The following SLC35D4 variants were observed in gnomAD, a reference collection of about 807,000 sequenced individuals.
SLC35D4 encodes UDP-N-acetylglucosamine transporter SLC35D4.
At chr18:23,340,641 G>C in the SLC35D4 span, among the ~76,000 whole-genome samples, 59 of 152,276 alleles carry the variant, frequency 3.9e-4, no homozygotes, top group African/African-American at 1.4e-3. Context: ...TTTTCCCAGG[G>C]CCATAGAAAA....
At chr18:23,398,774 A>G in the SLC35D4 span, among the ~76,000 whole-genome samples, 2 of 152,212 alleles carry the variant, frequency 1.3e-5, no homozygotes, top group African/African-American at 4.8e-5. Flanking sequence ...AGGGGCTAAC[A>G]TAACAACAAG....
the SLC35D4 span, among the ~76,000 whole-genome samples, chr18:23,361,103 CAAAAAAAAA>C: frequency 9.6e-5 from 9 of 94,128 alleles, no homozygotes; most frequent in East Asian, 8.4e-4. Context: ...GACTTTGTCT[CAAAAAAAAA>C]AAAAAAAAAA....
the SLC35D4 span, among the ~76,000 whole-genome samples, chr18:23,247,092 G>C: frequency 3.0e-3 from 458 of 152,340 alleles, 5 homozygotes; most frequent in Non-Finnish European, 2.0e-3. Context: ...TGGCTGAGGG[G>C]CTGTGGTAAT....
the SLC35D4 span, among the ~76,000 whole-genome samples, chr18:23,371,923 C>CTTATTTGTTTTTT: frequency 6.7e-3 from 745 of 111,490 alleles, 138 homozygotes; most frequent in Middle Eastern, 0.02. Context: ...TTATTTCTTC[C>CTTATTTGTTTTTT]TTGTTTTTTT....
the SLC35D4 span, among the ~76,000 whole-genome samples, chr18:23,415,670 G>C: frequency 3.3e-5 from 5 of 152,222 alleles, no homozygotes; most frequent in African/African-American, 7.2e-5. Flanking sequence ...TTCAGCATCT[G>C]CTGGAAAAAT....
the SLC35D4 span, among the ~76,000 whole-genome samples, chr18:23,321,850 G>T: frequency 6.6e-3 from 1,000 of 152,282 alleles, 11 homozygotes; most frequent in African/African-American, 0.023. Context: ...CATAGTCTAG[G>T]TTTTTGTATA....
chr18:23,300,014 CATT>C, the SLC35D4 span, among the ~76,000 whole-genome samples: 3 of 152,188 alleles, frequency 2.0e-5, no homozygotes, highest in African/African-American at 7.2e-5. Flanking sequence ...CTGTAATCAT[CATT>C]GTCAGCACTG....
At chr18:23,413,816 C>T in the SLC35D4 span, among the ~76,000 whole-genome samples, 6 of 151,994 alleles carry the variant, frequency 3.9e-5, no homozygotes, top group African/African-American at 1.4e-4. Context: ...TGGTGATGCA[C>T]GCCTGTAGCC....
At chr18:23,316,445 G>A in the SLC35D4 span, among the ~76,000 whole-genome samples, 7 of 151,938 alleles carry the variant, frequency 4.6e-5, no homozygotes, top group Admixed American at 3.9e-4. Context: ...AACTCTATTC[G>A]GCATTAAAAA....
chr18:23,289,813 G>C, the SLC35D4 span, among the ~76,000 whole-genome samples: 43 of 151,852 alleles, frequency 2.8e-4, no homozygotes, highest in Non-Finnish European at 5.4e-4. Flanking sequence ...CCTTCTCCTG[G>C]CTCATCCTGG....
At chr18:23,360,156 C>T in the SLC35D4 span, among the ~76,000 whole-genome samples, 4 of 152,322 alleles carry the variant, frequency 2.6e-5, no homozygotes, top group Non-Finnish European at 4.4e-5. Context: ...ATGTTAAATG[C>T]TGGTAAGGAT....
At chr18:23,330,813 T>C in the SLC35D4 span, among the ~76,000 whole-genome samples, 2 of 152,094 alleles carry the variant, frequency 1.3e-5, no homozygotes, top group Non-Finnish European at 2.9e-5. Flanking sequence ...TAAAGAAAAA[T>C]GCAACAGCAG....
the SLC35D4 span, among the ~76,000 whole-genome samples, chr18:23,414,465 G>C: frequency 6.6e-6 from 1 of 151,634 alleles, no homozygotes; most frequent in South Asian, 2.1e-4. Context: ...CTGAGGTCAG[G>C]AGTTCAAGAC....
At chr18:23,418,269 T>C in the SLC35D4 span, among the ~76,000 whole-genome samples, 1 of 151,826 alleles carries the variant, frequency 6.6e-6, no homozygotes, top group African/African-American at 2.4e-5. Flanking sequence ...TGTACACCTA[T>C]GTTCCCAGGA....
At chr18:23,281,235 C>G in the SLC35D4 span, among the ~76,000 whole-genome samples, 2 of 152,182 alleles carry the variant, frequency 1.3e-5, no homozygotes, top group Non-Finnish European at 2.9e-5. Context: ...ACACTAAAAA[C>G]TACTGAATTT....
the SLC35D4 span, among the ~76,000 whole-genome samples, chr18:23,343,749 C>T: frequency 3.9e-5 from 6 of 152,196 alleles, 1 homozygote; most frequent in African/African-American, 1.2e-4. Flanking sequence ...CGGTGTCAGC[C>T]GTTACTTTCT....
chr18:23,373,883 A>G, the SLC35D4 span: 7 of 1,029,812 alleles, frequency 6.8e-6, no homozygotes, highest in African/African-American at 1.1e-4. Context: ...TGCGAGACCA[A>G]CTTGGTTCCT....
chr18:23,309,654 T>C, the SLC35D4 span: 1 of 1,610,286 alleles, frequency 6.2e-7, no homozygotes, highest in Non-Finnish European at 8.5e-7. Flanking sequence ...TAATTGGCAC[T>C]TTATCTCTCT....
chr18:23,284,421 G>A, the SLC35D4 span, among the ~76,000 whole-genome samples: 1 of 152,166 alleles, frequency 6.6e-6, no homozygotes, highest in African/African-American at 2.4e-5. Flanking sequence ...CAAGTCTTGG[G>A]ACAAAGCTTA....
Sources: allele counts gnomAD v4.1 joint callset (sites outside exome capture counted in the v4.1 genomes callset), GRCh38; gene constraint gnomAD v4.1.1; transcripts MANE v1.5; gene names NCBI Gene and HGNC (gene_info 2026-07-23, HGNC 2026-07-21).